Variants in GPC5 observed in about 807,000 individuals in gnomAD.
GPC5 encodes the protein glypican-5.
In GPC5, 47 loss-of-function variants were observed where a neutral mutation model predicts 53.9. That is an observed-to-expected ratio of 0.87 (90% CI 0.69 to 1.11). GPC5 has a LOEUF of 1.11. Ranked by LOEUF, GPC5 falls within the 50% of genes most tolerant of loss-of-function variation. The pLI is 0.00. For synonymous variants in GPC5, 286 were observed against 263.3 expected (o/e 1.09, Z -0.84); for missense variants, 748 against 713.1 (o/e 1.05, Z -0.56).
chr13:92,026,822 TG>T (rs1360216441), intron 6 of GPC5, among the ~76,000 whole-genome samples: 2 of 152,142 alleles, frequency 1.3e-5, no homozygotes, highest in African/African-American at 4.8e-5. Flanking sequence ...ACTAGCTCTG[TG>T]TCCATAACAA....
intron 7 of GPC5, among the ~76,000 whole-genome samples, chr13:92,811,149 C>T (rs1328730423): frequency 6.6e-6 from 1 of 151,972 alleles, no homozygotes; most frequent in Admixed American, 6.6e-5. Context: ...TGGATTGTTT[C>T]CATATTTTAG....
chr13:92,716,080 CTT>C (rs1465284186), intron 7 of GPC5, among the ~76,000 whole-genome samples: 1 of 152,134 alleles, frequency 6.6e-6, no homozygotes, highest in Non-Finnish European at 1.5e-5. Context: ...GGATTGGAGA[CTT>C]TGTCTCTCAC....
intron 7 of GPC5, among the ~76,000 whole-genome samples, chr13:92,644,549 A>G (rs900022796): frequency 2.6e-5 from 4 of 152,206 alleles, no homozygotes; most frequent in Non-Finnish European, 4.4e-5. Context: ...GCAAATGTTC[A>G]GGAAACTATG....
chr13:92,675,592 AC>A (rs1340081981), intron 7 of GPC5, among the ~76,000 whole-genome samples: 13 of 150,776 alleles, frequency 8.6e-5, no homozygotes, highest in Non-Finnish European at 5.9e-5. Flanking sequence ...TTTTTTTTTA[AC>A]TATAAAGCAA....
At chr13:91,571,741 ATATATACACACATATACATGTGTATG>A (rs1566514905) in intron 2 of GPC5, among the ~76,000 whole-genome samples, 17 of 124,908 alleles carry the variant, frequency 1.4e-4, no homozygotes, top group African/African-American at 4.9e-4. Context: ...ATATATATGT[ATATATACACACATATACATGTGTATG>A]TGTATATACA....
At chr13:92,091,913 A>G (rs1417316365) in intron 6 of GPC5, among the ~76,000 whole-genome samples, 1 of 152,178 alleles carries the variant, frequency 6.6e-6, no homozygotes, top group Non-Finnish European at 1.5e-5. Context: ...CATTTTCCTA[A>G]AACACCAACA....
intron 5 of GPC5, among the ~76,000 whole-genome samples, chr13:91,811,464 A>G (rs2038310904): frequency 6.6e-6 from 1 of 152,126 alleles, no homozygotes; most frequent in Non-Finnish European, 1.5e-5. Context: ...TATTAACAGC[A>G]CATTAACAGA....
intron 7 of GPC5, among the ~76,000 whole-genome samples, chr13:92,860,861 G>A (rs1879156733): frequency 6.6e-6 from 1 of 151,806 alleles, no homozygotes; most frequent in Non-Finnish European, 1.5e-5. Context: ...TATATTAAAA[G>A]ACACTAAGAG....
chr13:92,275,502 A>G (rs2042869116), intron 7 of GPC5, among the ~76,000 whole-genome samples: 2 of 152,334 alleles, frequency 1.3e-5, no homozygotes, highest in South Asian at 4.1e-4. Flanking sequence ...ATATCCTTGC[A>G]AACTTTGTCT....
intron 7 of GPC5, among the ~76,000 whole-genome samples, chr13:92,742,863 G>C (rs1253689278): frequency 5.3e-5 from 8 of 151,912 alleles, no homozygotes; most frequent in Non-Finnish European, 7.4e-5. Flanking sequence ...TCTTGTTTTT[G>C]TCAGGTTTGT....
chr13:91,630,686 G>C (rs1389720341), intron 2 of GPC5, among the ~76,000 whole-genome samples: 1 of 152,042 alleles, frequency 6.6e-6, no homozygotes, highest in African/African-American at 2.4e-5. Flanking sequence ...TGGGCGGGCT[G>C]GCTGTTGTAA....
At chr13:92,723,313 C>G (rs141124696) in intron 7 of GPC5, among the ~76,000 whole-genome samples, 783 of 38,748 alleles carry the variant, frequency 0.02, 10 homozygotes, top group African/African-American at 0.083. Flanking sequence ...GATTTCTTAA[C>G]CCTCCGAATA....
At chr13:92,277,093 A>G (rs905792935) in intron 7 of GPC5, among the ~76,000 whole-genome samples, 2 of 152,094 alleles carry the variant, frequency 1.3e-5, no homozygotes, top group East Asian at 3.9e-4. Flanking sequence ...GGTTAATTCA[A>G]TGATACAAAT....
chr13:91,616,917 A>T (rs2033711469), intron 2 of GPC5, among the ~76,000 whole-genome samples: 1 of 152,114 alleles, frequency 6.6e-6, no homozygotes, highest in Non-Finnish European at 1.5e-5. Flanking sequence ...CTTCACACTG[A>T]TTCTGATTTT....
intron 2 of GPC5, among the ~76,000 whole-genome samples, chr13:91,541,960 T>A (rs965333347): frequency 1.3e-5 from 2 of 151,142 alleles, no homozygotes; most frequent in Admixed American, 1.3e-4. Context: ...TGAGATTTAG[T>A]CAGGAATAGG....
chr13:92,225,367 T>C (rs571856077), intron 7 of GPC5, among the ~76,000 whole-genome samples: 8 of 152,234 alleles, frequency 5.3e-5, no homozygotes, highest in Non-Finnish European at 1.0e-4. Context: ...GAATGGCTTA[T>C]GCCTTTGAGT....
At chr13:91,863,082 C>CT (rs1396048394) in intron 5 of GPC5, among the ~76,000 whole-genome samples, 3 of 144,602 alleles carry the variant, frequency 2.1e-5, no homozygotes, top group South Asian at 2.4e-4. Context: ...CTTTCCCTTA[C>CT]TTTTTCCCTT....
At chr13:91,590,822 C>G (rs1000382899) in intron 2 of GPC5, among the ~76,000 whole-genome samples, 1 of 152,108 alleles carries the variant, frequency 6.6e-6, no homozygotes, top group African/African-American at 2.4e-5. Context: ...CCTTTATTGT[C>G]TTATAAACTA....
chr13:91,850,896 A>G (rs1477235863), intron 5 of GPC5, among the ~76,000 whole-genome samples: 3 of 152,148 alleles, frequency 2.0e-5, no homozygotes, highest in Admixed American at 6.6e-5. Context: ...TAACAATTTC[A>G]TGGAATATGA....
Sources: allele counts gnomAD v4.1 joint callset (sites outside exome capture counted in the v4.1 genomes callset), GRCh38; gene constraint gnomAD v4.1.1; transcripts MANE v1.5; gene names NCBI Gene and HGNC (gene_info 2026-07-23, HGNC 2026-07-21).